LHFPL3: variants seen among roughly 807,000 people sequenced by gnomAD.
The protein encoded by LHFPL3 is LHFPL tetraspan subfamily member 3 protein.
A neutral mutation model predicts 19.3 loss-of-function variants in LHFPL3; 5 were observed. The ratio of observed to expected loss-of-function variants is 0.26; its 90% CI spans 0.14 to 0.54. The LOEUF (loss-of-function observed/expected upper bound fraction) is 0.54. Ranked by LOEUF, LHFPL3 falls within the 20% of genes least tolerant of loss-of-function variation. LHFPL3 has a pLI of 0.94. For missense variants in LHFPL3, 249 were observed against 307.4 expected (o/e 0.81, Z 1.42); for synonymous variants, 133 against 126.2 (o/e 1.05, Z -0.36).
At chr7:104,590,810 C>T (rs892940960) in intron 1 of LHFPL3, among the ~76,000 whole-genome samples, 1 of 152,030 alleles carries the variant, frequency 6.6e-6, no homozygotes, top group Non-Finnish European at 1.5e-5. Context: ...TATTGGGTGC[C>T]TATATATTTA....
intron 1 of LHFPL3, among the ~76,000 whole-genome samples, chr7:104,643,486 A>G (rs1180397022): frequency 6.6e-6 from 1 of 152,186 alleles, no homozygotes; most frequent in Non-Finnish European, 1.5e-5. Flanking sequence ...TACACTGTAT[A>G]TTTTTGTATG....
chr7:104,649,747 AG>A (rs1260924694), intron 1 of LHFPL3, among the ~76,000 whole-genome samples: 2 of 152,228 alleles, frequency 1.3e-5, no homozygotes, highest in Non-Finnish European at 2.9e-5. Context: ...AGTTAGTGAG[AG>A]CAGCAGGAGT....
intron 1 of LHFPL3, among the ~76,000 whole-genome samples, chr7:104,576,280 G>A (rs993785557): frequency 7.2e-5 from 11 of 152,188 alleles, no homozygotes; most frequent in African/African-American, 2.2e-4. Flanking sequence ...CATCATCACC[G>A]ATTTGAAGTT....
intron 1 of LHFPL3, among the ~76,000 whole-genome samples, chr7:104,733,461 C>T (rs917327010): frequency 4.6e-5 from 7 of 152,206 alleles, no homozygotes; most frequent in Non-Finnish European, 1.0e-4. Context: ...GAATTCATCC[C>T]TTTACCATTA....
intron 2 of LHFPL3, among the ~76,000 whole-genome samples, chr7:104,882,420 G>A (rs1198193881): frequency 1.3e-5 from 2 of 152,048 alleles, no homozygotes; most frequent in African/African-American, 2.4e-5. Flanking sequence ...GCTAATTTTT[G>A]TATTTTTAGT....
intron 2 of LHFPL3, among the ~76,000 whole-genome samples, chr7:104,793,946 G>A (rs74868009): frequency 0.024 from 3,664 of 152,246 alleles, 135 homozygotes; most frequent in African/African-American, 0.084. Flanking sequence ...TAGAAGTCAA[G>A]ATGGAATCAC....
At chr7:104,648,381 T>A (rs1002370321) in intron 1 of LHFPL3, among the ~76,000 whole-genome samples, 3 of 152,226 alleles carry the variant, frequency 2.0e-5, no homozygotes, top group Non-Finnish European at 4.4e-5. Flanking sequence ...TCAGATGATG[T>A]ATACCATTAA....
At chr7:104,668,310 A>G (rs1792399687) in intron 1 of LHFPL3, 1 of 1,603,986 alleles carries the variant, frequency 6.2e-7, no homozygotes, top group East Asian at 2.2e-5. Context: ...TGGCCGTGAT[A>G]GAAATCGGGA....
At chr7:104,459,653 G>A in intron 1 of LHFPL3, among the ~76,000 whole-genome samples, 1 of 152,298 alleles carries the variant, frequency 6.6e-6, no homozygotes, top group South Asian at 2.1e-4. Context: ...CTGGCTGAAG[G>A]CAAGGGACCT....
intron 1 of LHFPL3, among the ~76,000 whole-genome samples, chr7:104,511,876 A>C (rs996157017): frequency 6.6e-6 from 1 of 152,018 alleles, no homozygotes; most frequent in Non-Finnish European, 1.5e-5. Flanking sequence ...TGAGATTCTA[A>C]GTATGTCCTC....
At chr7:104,628,192 C>G (rs2115834968) in intron 1 of LHFPL3, among the ~76,000 whole-genome samples, 1 of 152,226 alleles carries the variant, frequency 6.6e-6, no homozygotes, top group South Asian at 2.1e-4. Context: ...CATTCCTGCT[C>G]TACATCAGTG....
At chr7:104,480,676 G>A (rs1297923424) in intron 1 of LHFPL3, among the ~76,000 whole-genome samples, 11 of 152,126 alleles carry the variant, frequency 7.2e-5, no homozygotes, top group Non-Finnish European at 1.3e-4. Flanking sequence ...ATAACAAATT[G>A]TGGAACATAT....
chr7:104,358,916 T>G (rs1193228376), intron 1 of LHFPL3, among the ~76,000 whole-genome samples: 1 of 152,238 alleles, frequency 6.6e-6, no homozygotes, highest in African/African-American at 2.4e-5. Flanking sequence ...ATGATCCTTT[T>G]GCAATGGTGA....
At chr7:104,729,002 A>C (rs111328853) in intron 1 of LHFPL3, among the ~76,000 whole-genome samples, 1,671 of 152,336 alleles carry the variant, frequency 0.011, 31 homozygotes, top group African/African-American at 0.038. Context: ...TTTCTTTTTT[A>C]ATTTTCAAAG....
chr7:104,566,394 G>A (rs1435388329), intron 1 of LHFPL3, among the ~76,000 whole-genome samples: 1 of 151,992 alleles, frequency 6.6e-6, no homozygotes, highest in Non-Finnish European at 1.5e-5. Flanking sequence ...CTCACCCTCA[G>A]CATCCACATC....
chr7:104,876,981 A>G (rs1791957643), intron 2 of LHFPL3, among the ~76,000 whole-genome samples: 1 of 152,222 alleles, frequency 6.6e-6, no homozygotes, highest in Admixed American at 6.5e-5. Flanking sequence ...TTGTAGGGGC[A>G]TGGATGAAGC....
At chr7:104,530,874 G>C (rs190042193) in intron 1 of LHFPL3, among the ~76,000 whole-genome samples, 2 of 152,100 alleles carry the variant, frequency 1.3e-5, no homozygotes, top group African/African-American at 2.4e-5. Context: ...TACTTGTCTG[G>C]TAATAAACAG....
At chr7:104,563,664 C>T (rs1189541283) in intron 1 of LHFPL3, among the ~76,000 whole-genome samples, 2 of 152,278 alleles carry the variant, frequency 1.3e-5, no homozygotes, top group Non-Finnish European at 2.9e-5. Context: ...AGGCTGGGAG[C>T]TGTAGACCGG....
intron 2 of LHFPL3, among the ~76,000 whole-genome samples, chr7:104,800,371 G>A (rs115742756): frequency 1.3e-5 from 2 of 152,170 alleles, no homozygotes; most frequent in African/African-American, 2.4e-5. Context: ...TGCGATCTCC[G>A]TTTTCTCCTC....
Sources: allele counts gnomAD v4.1 joint callset (sites outside exome capture counted in the v4.1 genomes callset), GRCh38; gene constraint gnomAD v4.1.1; transcripts MANE v1.5; gene names NCBI Gene and HGNC (gene_info 2026-07-23, HGNC 2026-07-21).